Variants in FLT1 observed in about 807,000 individuals in gnomAD.
The protein encoded by FLT1 is fms related receptor tyrosine kinase 1.
Under a neutral mutation model 156.3 loss-of-function variants are expected in FLT1, and 49 were observed. The ratio of observed to expected loss-of-function variants is 0.31; its 90% CI spans 0.25 to 0.40. The LOEUF (loss-of-function observed/expected upper bound fraction) is 0.40. Ranked by LOEUF, FLT1 falls within the 10% of genes least tolerant of loss-of-function variation. The probability of loss-of-function intolerance (pLI) is 1.00; values close to 1 mark genes in which losing one functional copy is unlikely to be tolerated. For synonymous variants in FLT1, 594 were observed against 583.8 expected, an observed-to-expected ratio of 1.02 and a Z score of -0.25; for missense variants, 1,322 against 1,637.2, an observed-to-expected ratio of 0.81 and a Z score of 3.32.
At chr13:28,405,216 G>A (rs553627137) in intron 11 of FLT1, among the ~76,000 whole-genome samples, 4 of 152,090 alleles carry the variant, frequency 2.6e-5, no homozygotes, top group Non-Finnish European at 4.4e-5. Flanking sequence ...TGAATAGTGC[G>A]CTGATGAGGT....
chr13:28,301,172 G>GAAAA lies in FLT1; in HGVS notation c.*1991_*1994dup. The GAAAA allele has an allele frequency of 1.4e-5, 3 of 215,894 alleles. No individual in the cohort carries two copies. The highest frequency in any genetic ancestry group is 2.7e-5 in the Non-Finnish European group (3 of 109,350). 13.4% of individuals were successfully genotyped at this position (215,894 alleles called of 1,614,324 possible). A position where few individuals can be genotyped will look rare whatever the true frequency, so the allele number is the denominator to read the frequency against. On this transcript the variant is annotated 3_prime_UTR_variant, in exon 30 of 30. Transcript: ENST00000282397. ...ATTTGCTGGGCTATTATCTGATTTG[G>GAAAA]AAAAAAAAAAAAAAGTAGAGAATTG... is the stretch of plus-strand genomic sequence containing the variant.
At chr13:28,460,130 C>T (rs11616561) in intron 3 of FLT1, among the ~76,000 whole-genome samples, 10,909 of 152,268 alleles carry the variant, frequency 0.072, 635 homozygotes, top group Admixed American at 0.18. Flanking sequence ...GCAGTGTTGA[C>T]TGAGCCTTCT....
At chr13:28,321,102 A>T (rs960070536) in intron 23 of FLT1, among the ~76,000 whole-genome samples, 2 of 152,160 alleles carry the variant, frequency 1.3e-5, no homozygotes, top group Non-Finnish European at 2.9e-5. Context: ...TATTTGAGGG[A>T]AAGAGTCCAG....
At chr13:28,334,361 G>T (rs574968141) in intron 17 of FLT1, among the ~76,000 whole-genome samples, 1 of 152,286 alleles carries the variant, frequency 6.6e-6, no homozygotes, top group African/African-American at 2.4e-5. Context: ...TCCCTAGAAG[G>T]CATTCAGTGA....
chr13:28,444,263 G>A (rs955414452), intron 3 of FLT1, among the ~76,000 whole-genome samples: 7 of 152,110 alleles, frequency 4.6e-5, no homozygotes, highest in African/African-American at 9.7e-5. Flanking sequence ...TCAACATGGC[G>A]AAACCCCATC....
At chr13:28,345,366 G>T in intron 16 of FLT1, 79 bp downstream of exon 16, 1 of 828,662 alleles carries the variant, frequency 1.2e-6, no homozygotes, top group Non-Finnish European at 2.0e-6. Flanking sequence ...TCCAACATTT[G>T]TTTGCCTACT....
intron 1 of FLT1, among the ~76,000 whole-genome samples, chr13:28,471,599 A>G (rs982977784): frequency 6.6e-6 from 1 of 152,208 alleles, no homozygotes. Flanking sequence ...AGCATGGGGA[A>G]GTCAGCTTGA....
chr13:28,353,611 G>A (rs558907335), intron 15 of FLT1, among the ~76,000 whole-genome samples: 2 of 151,710 alleles, frequency 1.3e-5, no homozygotes, highest in East Asian at 3.9e-4. Flanking sequence ...TATATATTGT[G>A]GTTATTTGCA....
At chr13:28,350,293 T>C (rs893364743) in intron 15 of FLT1, among the ~76,000 whole-genome samples, 2 of 152,186 alleles carry the variant, frequency 1.3e-5, no homozygotes, top group Non-Finnish European at 2.9e-5. Context: ...ATAGCCAATT[T>C]GAAGAGTGTA....
intron 25 of FLT1, among the ~76,000 whole-genome samples, chr13:28,312,902 T>G (rs1185059813): frequency 6.6e-6 from 1 of 152,230 alleles, no homozygotes; most frequent in Admixed American, 6.5e-5. Context: ...GGTCAAATCT[T>G]GTCCTGGGAT....
chr13:28,467,012 G>A lies in FLT1; in HGVS notation c.279C>T (p.Thr93=), dbSNP rs2137622351. 2 of 1,614,098 alleles carry A rather than the reference G, an allele frequency of 1.2e-6. No individual in the cohort carries two copies. Among genetic ancestry groups the A allele is most frequent in the South Asian group, 2.2e-5 (2 of 91,080 alleles). Residue 93 remains threonine, a synonymous_variant, in exon 3 of 30, where the codon ACC becomes ACT. Transcript: ENST00000282397. ...RNGKQFCSTL[T]LNTAQANHTG... The stretch of plus-strand genomic sequence containing the variant: ...TGTGGTTTGCTTGAGCTGTGTTCAA[G>A]GTTAAAGTACTGCAGAATTGTTTGC...
At chr13:28,460,680 TCA>T (rs1216438119) in intron 3 of FLT1, among the ~76,000 whole-genome samples, 5 of 81,520 alleles carry the variant, frequency 6.1e-5, no homozygotes, top group Non-Finnish European at 1.1e-4. Flanking sequence ...CCCCAAAAAA[TCA>T]CAGTGCTTAC....
At chr13:28,333,796 C>T (rs1272945762) in intron 18 of FLT1, among the ~76,000 whole-genome samples, 1 of 152,180 alleles carries the variant, frequency 6.6e-6, no homozygotes, top group Non-Finnish European at 1.5e-5. Context: ...TGACAGAGAT[C>T]ATTTTCCTAT....
chr13:28,386,538 T>C, intron 13 of FLT1: 1 of 1,052,742 alleles, frequency 9.5e-7, no homozygotes, highest in East Asian at 5.4e-5. Context: ...ATGATAGCAA[T>C]GATTCTTTTG....
intron 24 of FLT1, among the ~76,000 whole-genome samples, chr13:28,318,353 G>A (rs919216289): frequency 1.2e-4 from 18 of 152,042 alleles, no homozygotes; most frequent in African/African-American, 4.4e-4. Context: ...AGACCTAAGG[G>A]CGCCAGAGAG....
At chr13:28,443,943 A>T (rs1257496760) in intron 3 of FLT1, among the ~76,000 whole-genome samples, 1 of 152,246 alleles carries the variant, frequency 6.6e-6, no homozygotes, top group East Asian at 1.9e-4. Flanking sequence ...ATAAGAAATT[A>T]TTAGTGAGGA....
At chr13:28,356,545 T>C (rs1872905523) in intron 15 of FLT1, among the ~76,000 whole-genome samples, 2 of 152,238 alleles carry the variant, frequency 1.3e-5, no homozygotes, top group Admixed American at 6.5e-5. Context: ...TTTCAGACTT[T>C]CAGGGGGCTC....
chr13:28,317,560 G>A lies in FLT1; in HGVS notation c.3324C>T (p.Asp1108=), dbSNP rs369434906. The A allele has an allele frequency of 1.9e-6, 3 of 1,614,020 alleles. No individual in the cohort carries two copies. Among genetic ancestry groups the A allele is most frequent in the Non-Finnish European group, 1.7e-6 (2 of 1,179,900 alleles). The change falls in exon 25 of 30, where the codon GAC becomes GAT. Residue 1108 remains aspartate (D), a synonymous_variant. Transcript: ENST00000282397. ...TGCCTTCCCTCAGGCGACTGCAAAAGTCCTCATCCATTTGTACTCCTGGGT... is the reference window on the plus strand; with the variant it reads ...TGCCTTCCCTCAGGCGACTGCAAAAATCCTCATCCATTTGTACTCCTGGGT... ...SPYPGVQMDE[D]FCSRLREGMR...
intron 12 of FLT1, among the ~76,000 whole-genome samples, chr13:28,394,832 C>T (rs1366502205): frequency 6.6e-6 from 1 of 152,130 alleles, no homozygotes; most frequent in Admixed American, 6.5e-5. Flanking sequence ...CCCTATAAGG[C>T]TGATTTAAAT....
Sources: gnomAD v4.1 joint callset for allele counts (sites outside exome capture counted in the v4.1 genomes callset) on GRCh38, gnomAD v4.1.1 for gene constraint, MANE v1.5 for transcripts, NCBI Gene and HGNC (gene_info 2026-07-23, HGNC 2026-07-21) for gene names.